TRIO: variants seen among roughly 807,000 people sequenced by gnomAD.
TRIO encodes the protein triple functional domain protein.
In TRIO, 58 loss-of-function variants were observed where a neutral mutation model predicts 351.9. That is an observed-to-expected ratio of 0.16 (90% CI 0.13 to 0.21). The LOEUF (loss-of-function observed/expected upper bound fraction) is 0.21, where lower values mean the gene tolerates loss of function less well. TRIO is among the 10% of genes least tolerant of loss of function. The pLI, the probability that TRIO is intolerant of heterozygous loss-of-function variation, is 1.00. For missense variants in TRIO, 3,201 were observed against 4,027.8 expected, an observed-to-expected ratio of 0.79 and a Z score of 5.56; for synonymous variants, 1,758 against 1,595.7, an observed-to-expected ratio of 1.10 and a Z score of -2.42.
chr5:14,451,526 C>T (rs1752847427), intron 34 of TRIO, among the ~76,000 whole-genome samples: 1 of 152,192 alleles, frequency 6.6e-6, no homozygotes, highest in East Asian at 1.9e-4. Flanking sequence ...CTTACAGCCT[C>T]CCTTGTATGG....
intron 34 of TRIO, among the ~76,000 whole-genome samples, chr5:14,446,685 T>G (rs768271063): frequency 1.2e-4 from 19 of 152,214 alleles, no homozygotes; most frequent in Non-Finnish European, 2.2e-4. Context: ...TAGCTTTAGT[T>G]GAGCAGCATT....
intron 34 of TRIO, among the ~76,000 whole-genome samples, chr5:14,434,184 T>G (rs145449280): frequency 0.012 from 1,760 of 152,320 alleles, 15 homozygotes; most frequent in Middle Eastern, 0.02. Context: ...CATGACCATA[T>G]GAGCTGCTTT....
intron 34 of TRIO, among the ~76,000 whole-genome samples, chr5:14,434,478 C>T (rs939666293): frequency 1.3e-5 from 2 of 152,024 alleles, no homozygotes; most frequent in Non-Finnish European, 2.9e-5. Flanking sequence ...AATAACACAA[C>T]ACTCAGTTTT....
chr5:14,219,201 G>T (rs1407158077), intron 1 of TRIO, among the ~76,000 whole-genome samples: 1 of 150,664 alleles, frequency 6.6e-6, no homozygotes, highest in African/African-American at 2.5e-5. Context: ...ATGTGAAGTG[G>T]AGAGGGAGGA....
chr5:14,280,472 C>G (rs2152276588), intron 3 of TRIO, 36 bp downstream of exon 3: 1 of 1,563,870 alleles, frequency 6.4e-7, no homozygotes, highest in African/African-American at 1.3e-5. Context: ...TCACTGATGT[C>G]ACATTTACAA....
chr5:14,257,048 GT>G (rs1450604788), intron 1 of TRIO, among the ~76,000 whole-genome samples: 12 of 152,226 alleles, frequency 7.9e-5, no homozygotes, highest in African/African-American at 2.7e-4. Flanking sequence ...GGAAGATCCT[GT>G]TTATTTTTGA....
intron 40 of TRIO, among the ~76,000 whole-genome samples, chr5:14,474,936 A>G (rs1041178977): frequency 1.3e-5 from 2 of 152,124 alleles, no homozygotes; most frequent in Non-Finnish European, 2.9e-5. Context: ...CAGCCTCCCA[A>G]AGTGCTGGGA....
chr5:14,164,860 A>T (rs992939944), intron 1 of TRIO, among the ~76,000 whole-genome samples: 1 of 152,180 alleles, frequency 6.6e-6, no homozygotes, highest in African/African-American at 2.4e-5. Context: ...CCATGCCCTA[A>T]GTGTTGCTGT....
chr5:14,361,708 GTCC>G (rs1278942750), intron 13 of TRIO, among the ~76,000 whole-genome samples: 1 of 152,254 alleles, frequency 6.6e-6, no homozygotes, highest in Non-Finnish European at 1.5e-5. Flanking sequence ...AGTGTGGACA[GTCC>G]TCCTGTGGAG....
intron 33 of TRIO, among the ~76,000 whole-genome samples, chr5:14,414,192 C>G (rs980409578): frequency 1.3e-5 from 2 of 152,182 alleles, no homozygotes; most frequent in Non-Finnish European, 2.9e-5. Flanking sequence ...CACTTCATAG[C>G]CAGAAAGCGT....
At chr5:14,478,671 G>A (rs913579804) in intron 41 of TRIO, among the ~76,000 whole-genome samples, 3 of 152,046 alleles carry the variant, frequency 2.0e-5, no homozygotes, top group East Asian at 1.9e-4. Flanking sequence ...AGGGTGTTGC[G>A]GCCAGGTGTG....
chr5:14,374,169 C>A, intron 18 of TRIO, 60 bp from the exon 19 acceptor site: 1 of 1,338,544 alleles, frequency 7.5e-7, no homozygotes, highest in Non-Finnish European at 1.1e-6. Flanking sequence ...GTGATGTGTA[C>A]TCCAAATACA....
At chr5:14,500,531 CTG>C (rs1351761602) in intron 53 of TRIO, among the ~76,000 whole-genome samples, 1 of 152,184 alleles carries the variant, frequency 6.6e-6, no homozygotes, top group African/African-American at 2.4e-5. Context: ...GGCCCCCAAA[CTG>C]TGTCCGAGAG....
At chr5:14,163,739 C>A (rs1174715414) in intron 1 of TRIO, among the ~76,000 whole-genome samples, 1 of 152,164 alleles carries the variant, frequency 6.6e-6, no homozygotes, top group African/African-American at 2.4e-5. Context: ...AATCATAATC[C>A]TGTGAGTGTA....
chr5:14,447,805 G>T (rs1752549918), intron 34 of TRIO, among the ~76,000 whole-genome samples: 1 of 152,178 alleles, frequency 6.6e-6, no homozygotes, highest in Non-Finnish European at 1.5e-5. Context: ...TGTGTTTAAT[G>T]TCAAGAACTA....
At chr5:14,295,898 G>A (rs1350346481) in intron 6 of TRIO, among the ~76,000 whole-genome samples, 1 of 152,188 alleles carries the variant, frequency 6.6e-6, no homozygotes, top group Non-Finnish European at 1.5e-5. Flanking sequence ...CCCTGAGGCT[G>A]GAGTCCTGTG....
Position 14,509,346 on chromosome 5 carries a change from A to C in TRIO, c.*924A>C. The C allele has an allele frequency of 7.0e-6, 3 of 431,568 alleles. No homozygotes were observed. Among genetic ancestry groups the C allele is most frequent in the Non-Finnish European group, 9.1e-6 (2 of 219,598 alleles). 26.7% of individuals were successfully genotyped at this position (431,568 alleles called of 1,614,324 possible). A position where few individuals can be genotyped will look rare whatever the true frequency, so the allele number is the denominator to read the frequency against. On this transcript the variant is annotated 3_prime_UTR_variant, in exon 57 of 57. Transcript: ENST00000344204. ...GTACCTGTAATAAATATATAGAAAA[A>C]GCACATACTTCGTATGGTGAGCTTT... is the stretch of plus-strand genomic sequence containing the variant.
At chr5:14,296,661 TC>T (rs1737388757) in intron 6 of TRIO, among the ~76,000 whole-genome samples, 1 of 152,162 alleles carries the variant, frequency 6.6e-6, no homozygotes, top group Non-Finnish European at 1.5e-5. Flanking sequence ...TTTTTGGGTT[TC>T]TGGGTTCTGG....
At chr5:14,290,469 C>T (rs756937145) in intron 4 of TRIO, among the ~76,000 whole-genome samples, 40 of 152,160 alleles carry the variant, frequency 2.6e-4, no homozygotes, top group Non-Finnish European at 4.7e-4. Context: ...ATGAAATACA[C>T]GATTCTACAG....
Sources: allele counts gnomAD v4.1 joint callset (sites outside exome capture counted in the v4.1 genomes callset), GRCh38; gene constraint gnomAD v4.1.1; transcripts MANE v1.5; gene names NCBI Gene and HGNC (gene_info 2026-07-23, HGNC 2026-07-21).